Variants in KIF1A observed in about 807,000 individuals in gnomAD.
KIF1A encodes the protein kinesin-like protein KIF1A.
In KIF1A, 46 loss-of-function variants were observed where a neutral mutation model predicts 227.3. The ratio of observed to expected loss-of-function variants is 0.20; its 90% CI spans 0.16 to 0.26. The LOEUF (loss-of-function observed/expected upper bound fraction) is 0.26. Ranked by LOEUF, KIF1A falls within the 10% of genes least tolerant of loss-of-function variation. KIF1A has a pLI of 1.00. For missense variants in KIF1A, 1,683 were observed against 2,485.9 expected (o/e 0.68, Z 6.87); for synonymous variants, 1,022 against 1,012.8 (o/e 1.01, Z -0.17).
At chr2:240,784,832 C>G (rs898438550) in intron 7 of KIF1A, among the ~76,000 whole-genome samples, 157 bp downstream of exon 7, 16 of 151,998 alleles carry the variant, frequency 1.1e-4, no homozygotes, top group Admixed American at 6.5e-4. Flanking sequence ...GGGGGACGTC[C>G]ACACCTGGTG....
chr2:240,729,786 G>A (rs1357441424), intron 38 of KIF1A, among the ~76,000 whole-genome samples: 1 of 152,252 alleles, frequency 6.6e-6, no homozygotes, highest in African/African-American at 2.4e-5. Flanking sequence ...GTGAGCTGGG[G>A]AGAGAATGGT....
rs926846656 is a variant in KIF1A, at chr2:240,739,659, A to G, written c.3901+399T>C. ...GCCAGGGTCGCCCAAGATGCTGGCC[A>G]CCACCAGGAGCTGGAAGAGGCAGGG... On this transcript the variant is annotated intron_variant, in intron 37 of 48. Transcript: ENST00000498729. The surrounding 1 kb of genome is among the most constrained non-coding windows in gnomAD (Gnocchi z 5.6). 6.6e-6 allele frequency among the ~76,000 whole-genome samples: 1 copy of G among 152,198 alleles called. No individual in the cohort carries two copies. Among genetic ancestry groups the G allele is most frequent in the Non-Finnish European group, 1.5e-5 (1 of 68,034 alleles).
At chr2:240,719,566 A>G (rs1371321183) in intron 46 of KIF1A, among the ~76,000 whole-genome samples, 2 of 152,196 alleles carry the variant, frequency 1.3e-5, no homozygotes, top group Admixed American at 6.5e-5. Flanking sequence ...TGTGGGTCAC[A>G]GGGCCCTGCC....
rs767196477 is a variant in KIF1A, at chr2:240,720,981, C to T, written c.4801G>A (p.Ala1601Thr). 1.2e-6 allele frequency: 2 copies of T among 1,608,084 alleles called. No individual in the cohort carries two copies. Among genetic ancestry groups the T allele is most frequent in the East Asian group, 2.2e-5 (1 of 44,698 alleles). ...RDPSMSPLGV[A>T]TLTPSSTCPS... Reference sequence around the variant, plus strand: ...CAAGTGGAGGAGGGGGTGAGAGTGGCCACCCCTAGAGGGGACATCGACGGG... The same window carrying T: ...CAAGTGGAGGAGGGGGTGAGAGTGGTCACCCCTAGAGGGGACATCGACGGG... Residue 1601 changes from alanine to threonine, a missense_variant, in exon 45 of 49, where the codon GCC (alanine) becomes ACC (threonine). Transcript: ENST00000498729.
intron 38 of KIF1A, 36 bp downstream of exon 38, chr2:240,737,027 G>T (rs765240689): frequency 3.9e-6 from 6 of 1,528,484 alleles, no homozygotes; most frequent in Middle Eastern, 3.4e-4. Flanking sequence ...CTGGGAACAT[G>T]CCCTGGGCCC....
At chr2:240,733,962 C>T (rs953096600) in intron 38 of KIF1A, among the ~76,000 whole-genome samples, 4 of 152,350 alleles carry the variant, frequency 2.6e-5, no homozygotes, top group South Asian at 2.1e-4. Flanking sequence ...AAGGTCTCGC[C>T]GACTCCCTGC....
chr2:240,785,298 C>T lies in KIF1A; in HGVS notation c.609-198G>A, dbSNP rs74704222. Among the ~76,000 whole-genome samples the T allele has an allele frequency of 0.19, 28,529 of 152,250 alleles. 3,299 individuals carry two copies. Among genetic ancestry groups the T allele is most frequent in the Non-Finnish European group, 0.26 (17,355 of 67,986 alleles). Reference sequence around the variant, plus strand: ...GCCCATGGCCACCTGCCCACAGTGGCGTCCTCAGCCCCAGCCCTTGCTGGT... The same window carrying T: ...GCCCATGGCCACCTGCCCACAGTGGTGTCCTCAGCCCCAGCCCTTGCTGGT... On this transcript the variant is annotated intron_variant, in intron 6 of 48. Transcript: ENST00000498729.
In KIF1A at chr2:240,750,495, C is replaced by T. The variant is rs2049084246; in HGVS notation, c.2911G>A (p.Val971Met). 2 of 1,613,792 alleles carry T rather than the reference C, an allele frequency of 1.2e-6. No individual in the cohort carries two copies. Among genetic ancestry groups the T allele is most frequent in the Non-Finnish European group, 8.5e-7 (1 of 1,179,840 alleles). ...LLYPVPLVHRVAIVSEKGEVK... is the reference protein window; with the variant it reads ...LLYPVPLVHRMAIVSEKGEVK... ...TCGCCCTTCTCGCTGACGATTGCCACACGGTGTACCAGGGGAACGGGGTAC... is the reference window on the plus strand; with the variant it reads ...TCGCCCTTCTCGCTGACGATTGCCATACGGTGTACCAGGGGAACGGGGTAC... The change falls in exon 28 of 49, where the codon GTG becomes ATG. Residue 971 changes from valine to methionine, a missense_variant. Val to Met is a conservative substitution (Grantham distance 21). Coordinates refer to ENST00000498729, the MANE Select transcript of KIF1A (RefSeq NM_001244008.2).
At chr2:240,770,946 C>A (rs956900637) in intron 15 of KIF1A, 25 bp downstream of exon 15, 2 of 1,607,010 alleles carry the variant, frequency 1.2e-6, no homozygotes, top group Non-Finnish European at 1.7e-6. Context: ...GTCTGACACC[C>A]TGAAGCCCCA....
chr2:240,805,441 T>C (rs929690398), intron 1 of KIF1A, among the ~76,000 whole-genome samples: 20 of 150,664 alleles, frequency 1.3e-4, no homozygotes, highest in Admixed American at 6.6e-5. Flanking sequence ...CTGGAAAATA[T>C]GTCAGAAAAA....
intron 10 of KIF1A, chr2:240,782,318 C>T: frequency 1.5e-6 from 1 of 669,660 alleles, no homozygotes; most frequent in Non-Finnish European, 1.8e-6. Context: ...CCCCACGCCC[C>T]CCGGGCCACA....
At chr2:240,745,688 G>A (rs1457441422) in intron 31 of KIF1A, 50 bp downstream of exon 31, 1 of 1,585,388 alleles carries the variant, frequency 6.3e-7, no homozygotes, top group Non-Finnish European at 8.6e-7. Context: ...GGGAGCCTTG[G>A]GCACAGAGTC....
At chr2:240,760,953 T>C in intron 24 of KIF1A, 110 bp from the exon 25 acceptor site, 10 of 1,123,928 alleles carry the variant, frequency 8.9e-6, no homozygotes, top group Non-Finnish European at 1.3e-5. Flanking sequence ...TGCCCCACAA[T>C]GGTTCACTGG....
intron 1 of KIF1A, among the ~76,000 whole-genome samples, chr2:240,808,358 TC>T (rs1170875181): frequency 1.3e-5 from 2 of 152,126 alleles, no homozygotes; most frequent in African/African-American, 4.8e-5. Context: ...TTTTAAGGTA[TC>T]CTTTAAAATA....
Position 240,757,705 on chromosome 2 carries a change from A to C in KIF1A, c.2583-111T>G. 1.8e-5 allele frequency: 18 copies of C among 973,614 alleles called. No individual in the cohort carries two copies. The highest frequency in any genetic ancestry group is 2.7e-5 in the Non-Finnish European group (18 of 662,662). The allele number at this position is 973,614 out of a possible 1,614,324, so 60.3% of individuals were successfully genotyped here. A position where few individuals can be genotyped will look rare whatever the true frequency, so the allele number is the denominator to read the frequency against. On this transcript the variant is annotated intron_variant, in intron 26 of 48. Coordinates refer to ENST00000498729, the MANE Select transcript of KIF1A (RefSeq NM_001244008.2). This position sits in a 1 kb window ranked among gnomAD's most constrained non-coding sequence, Gnocchi z 6.2. The stretch of plus-strand genomic sequence containing the variant: ...TCTGTTTAAAACCAAAACCAAACAC[A>C]CAGACCATCGAGAATGCTGCTTTAA...
At position 240,736,930 on chromosome 2, in the gene KIF1A, G is replaced by A. The variant is rs2047386462; in HGVS notation, c.4007+133C>T. On this transcript the variant is annotated intron_variant, in intron 38 of 48. Coordinates refer to ENST00000498729, the MANE Select transcript of KIF1A (RefSeq NM_001244008.2). The surrounding 1 kb of genome is among the most constrained non-coding windows in gnomAD (Gnocchi z 4.7). The stretch of plus-strand genomic sequence containing the variant: ...AGCCCCTCACCGCACAGCTCCTGCA[G>A]GTGCCAGGAGGGAGGGCCGGGAGAG... 1.4e-6 allele frequency: 1 copy of A among 727,322 alleles called. No individual in the cohort carries two copies. The highest frequency in any genetic ancestry group is 1.7e-5 in the South Asian group (1 of 59,922). The allele number at this position is 727,322 out of a possible 1,614,324, so 45.1% of individuals were successfully genotyped here. A position where few individuals can be genotyped will look rare whatever the true frequency, so the allele number is the denominator to read the frequency against.
At chr2:240,719,305 TC>T in intron 46 of KIF1A, 107 bp from the exon 47 acceptor site, 1 of 1,270,304 alleles carries the variant, frequency 7.9e-7, no homozygotes, top group Non-Finnish European at 1.1e-6. Flanking sequence ...GCCAACCACC[TC>T]CCCAGCCAGA....
chr2:240,816,167 T>C (rs973893232), intron 1 of KIF1A, among the ~76,000 whole-genome samples: 3 of 151,758 alleles, frequency 2.0e-5, no homozygotes, highest in African/African-American at 4.8e-5. Context: ...TGTGTGTGTG[T>C]GTCTATCTGC....
intron 17 of KIF1A, among the ~76,000 whole-genome samples, chr2:240,768,295 G>A (rs977496487): frequency 3.3e-5 from 5 of 152,232 alleles, no homozygotes; most frequent in South Asian, 2.1e-4. Flanking sequence ...TCTAGAAGAC[G>A]TGTATAGTGA....
Sources: allele counts gnomAD v4.1 joint callset (sites outside exome capture counted in the v4.1 genomes callset), GRCh38; gene constraint gnomAD v4.1.1; non-coding constraint Gnocchi (gnomAD v3.1); transcripts MANE v1.5; gene names NCBI Gene and HGNC (gene_info 2026-07-23, HGNC 2026-07-21).